DNAH5: variants seen among roughly 807,000 people sequenced by gnomAD.
DNAH5 encodes dynein axonemal heavy chain 5, also known as axonemal beta dynein heavy chain 5.
Under a neutral mutation model 518.2 loss-of-function variants are expected in DNAH5, and 372 were observed. The ratio of observed to expected loss-of-function variants is 0.72; its 90% CI spans 0.66 to 0.78. The LOEUF is 0.78. Ranked by LOEUF, DNAH5 falls within the 30% of genes least tolerant of loss-of-function variation. The pLI, the probability that DNAH5 is intolerant of heterozygous loss-of-function variation, is 0.00. For missense variants in DNAH5, 5,523 were observed against 5,687.0 expected, an observed-to-expected ratio of 0.97 and a Z score of 0.93; for synonymous variants, 2,039 against 2,025.9, an observed-to-expected ratio of 1.01 and a Z score of -0.17.
intron 12 of DNAH5, among the ~76,000 whole-genome samples, chr5:13,904,555 G>A (rs1324267792): frequency 9.3e-5 from 14 of 151,282 alleles, no homozygotes; most frequent in Non-Finnish European, 2.1e-4. Flanking sequence ...GTGTGTGTTT[G>A]TATTATACGT....
At chr5:13,805,362 G>A (rs1201804000) in intron 47 of DNAH5, among the ~76,000 whole-genome samples, 1 of 152,114 alleles carries the variant, frequency 6.6e-6, no homozygotes, top group Non-Finnish European at 1.5e-5. Context: ...GCGGGGTGTG[G>A]TAGCCCATGC....
At chr5:13,845,711 A>G (rs1178543129) in intron 31 of DNAH5, among the ~76,000 whole-genome samples, 9 of 151,816 alleles carry the variant, frequency 5.9e-5, no homozygotes, top group Non-Finnish European at 1.2e-4. Flanking sequence ...ATTTTGTTAT[A>G]ATTATGATGC....
chr5:13,854,284 A>C (rs1035290182), intron 30 of DNAH5, among the ~76,000 whole-genome samples: 3 of 152,202 alleles, frequency 2.0e-5, no homozygotes, highest in African/African-American at 7.2e-5. Context: ...TCATAAATGA[A>C]GGAGAAATAA....
At chr5:13,947,713 T>C (rs1780041845), upstream of DNAH5, among the ~76,000 whole-genome samples, 1 of 152,216 alleles carries the variant, frequency 6.6e-6, no homozygotes. Flanking sequence ...CTACACGTTT[T>C]TCATGGATTT....
chr5:13,862,185 C>G (rs890082591), intron 29 of DNAH5, among the ~76,000 whole-genome samples: 5 of 152,022 alleles, frequency 3.3e-5, no homozygotes, highest in Admixed American at 3.3e-4. Context: ...CTGAAATGTT[C>G]CCAAGAGCCG....
chr5:13,971,947 C>T (rs1781901488), intron 1 of DNAH5, among the ~76,000 whole-genome samples: 1 of 151,984 alleles, frequency 6.6e-6, no homozygotes, highest in South Asian at 2.1e-4. Flanking sequence ...AGGTGGGGGG[C>T]AGTGTTAGGC....
At chr5:13,820,225 G>T in intron 41 of DNAH5, 121 bp downstream of exon 41, 1 of 1,007,968 alleles carries the variant, frequency 9.9e-7, no homozygotes, top group Non-Finnish European at 1.5e-6. Flanking sequence ...AATTAATAAA[G>T]CAGTATTTCC....
At position 13,700,754 on chromosome 5, in the gene DNAH5, C is replaced by T; in HGVS notation, c.13609G>A (p.Gly4537Ser). 1 of 1,614,102 alleles carries T rather than the reference C, an allele frequency of 6.2e-7. No homozygotes were observed. Among genetic ancestry groups the T allele is most frequent in the Non-Finnish European group, 8.5e-7 (1 of 1,179,992 alleles). The change falls in exon 78 of 79, where the codon GGC (glycine) becomes AGC (serine). Residue 4537 changes from glycine (G) to serine (S), a missense_variant. Gly to Ser is a moderately conservative substitution (Grantham distance 56, BLOSUM62 0). Around this residue, in one of 3 missense-constraint regions of DNAH5, gnomAD observed 387 missense variants for 430.0 expected, o/e 0.90. Coordinates refer to ENST00000265104, the MANE Select transcript of DNAH5 (RefSeq NM_001369.3). Reference sequence around the variant, plus strand: ...CAGCCAGCACCTTCAAGATATAAGCCATAGACATAGACACCCTCTGTGGGA... The same window carrying T: ...CAGCCAGCACCTTCAAGATATAAGCTATAGACATAGACACCCTCTGTGGGA... ...APPTEGVYVY[G>S]LYLEGAGWDK...
chr5:13,735,807 T>A lies in DNAH5; in HGVS notation c.11570+11A>T, dbSNP rs756498917. 3.1e-6 allele frequency: 5 copies of A among 1,608,542 alleles called. No individual in the cohort carries two copies. The African/African-American group carries it at 6.7e-5, about 22-fold the overall frequency. ...ATAGAATTCAGCTTGGCTTCCCGCGTACAGACGTACCTGGCTAAGGAAAGG... is the reference window on the plus strand; with the variant it reads ...ATAGAATTCAGCTTGGCTTCCCGCGAACAGACGTACCTGGCTAAGGAAAGG... On this transcript the variant is annotated intron_variant, in intron 67 of 78. Coordinates refer to ENST00000265104, the MANE Select transcript of DNAH5 (RefSeq NM_001369.3).
chr5:13,994,780 G>A (rs987648666), intron 1 of DNAH5, among the ~76,000 whole-genome samples: 1 of 152,152 alleles, frequency 6.6e-6, no homozygotes, highest in African/African-American at 2.4e-5. Context: ...TCAGATTGCT[G>A]CTCACCTAAT....
intron 1 of DNAH5, among the ~76,000 whole-genome samples, chr5:14,011,576 C>A (rs1274101865): frequency 6.6e-6 from 1 of 152,150 alleles, no homozygotes; most frequent in African/African-American, 2.4e-5. Context: ...AACCCCGGGC[C>A]GCTCGGCCGC....
chr5:13,729,044 G>A (rs188867341), intron 69 of DNAH5, among the ~76,000 whole-genome samples: 9 of 152,290 alleles, frequency 5.9e-5, no homozygotes, highest in Non-Finnish European at 1.2e-4. Flanking sequence ...AGGCAAGAAA[G>A]GAAATTTAGC....
chr5:13,794,540 G>A lies in DNAH5; in HGVS notation c.7888-482C>T, dbSNP rs533053412. Reference sequence around the variant, plus strand: ...GCACAGCTCATACCCACTCTTTTGGGCAGATGCAGTTACACGGATTCAATT... The same window carrying A: ...GCACAGCTCATACCCACTCTTTTGGACAGATGCAGTTACACGGATTCAATT... On this transcript the variant is annotated intron_variant, in intron 47 of 78. Transcript: ENST00000265104. 1.1e-3 allele frequency among the ~76,000 whole-genome samples: 165 copies of A among 152,296 alleles called. 1 individual carries two copies. Among genetic ancestry groups the A allele is most frequent in the African/African-American group, 3.9e-3 (161 of 41,568 alleles).
chr5:13,801,928 A>T (rs571582782), intron 47 of DNAH5, among the ~76,000 whole-genome samples: 8 of 152,164 alleles, frequency 5.3e-5, no homozygotes, highest in African/African-American at 1.2e-4. Context: ...ATCCTTATTT[A>T]TATATTTCTA....
chr5:13,695,950 T>C (rs1741317895), intron 78 of DNAH5, among the ~76,000 whole-genome samples: 1 of 152,130 alleles, frequency 6.6e-6, no homozygotes, highest in Non-Finnish European at 1.5e-5. Flanking sequence ...ATGTTTCCCA[T>C]GACTTTAACA....
chr5:13,802,609 C>T (rs556795154), intron 47 of DNAH5, among the ~76,000 whole-genome samples: 2 of 152,214 alleles, frequency 1.3e-5, no homozygotes, highest in South Asian at 2.1e-4. Context: ...TGTCTGTTTC[C>T]CCAACAAGAC....
In DNAH5 at chr5:13,766,194, G is replaced by T. The variant is rs201338895; in HGVS notation, c.9898-15C>A. On this transcript the variant is annotated splice_polypyrimidine_tract_variant and intron_variant, in intron 58 of 78. Coordinates refer to ENST00000265104, the MANE Select transcript of DNAH5 (RefSeq NM_001369.3). ...GGCCTGATGGTCTGGGGGATGAAAG[G>T]AACGATCACCCAACCACAGATAGGA... 1 of 1,613,582 alleles carries T rather than the reference G, an allele frequency of 6.2e-7. No homozygotes were observed. The highest frequency in any genetic ancestry group is 8.5e-7 in the Non-Finnish European group (1 of 1,179,562).
At chr5:13,841,169 A>C (rs1373527177) in intron 33 of DNAH5, 39 bp from the exon 34 acceptor site, 1 of 1,460,586 alleles carries the variant, frequency 6.8e-7, no homozygotes, top group Non-Finnish European at 9.6e-7. Flanking sequence ...TTTGTATGGC[A>C]TATTTATGTA....
chr5:13,854,277 T>A (rs933643723), intron 30 of DNAH5, among the ~76,000 whole-genome samples: 2 of 152,118 alleles, frequency 1.3e-5, no homozygotes, highest in African/African-American at 4.8e-5. Context: ...CTAAGCTTCA[T>A]AAATGAAGGA....
Sources: gnomAD v4.1 joint callset for allele counts (sites outside exome capture counted in the v4.1 genomes callset) on GRCh38, gnomAD v4.1.1 for gene constraint, gnomAD v4.1.1 regional missense constraint, MANE v1.5 for transcripts, NCBI Gene and HGNC (gene_info 2026-07-23, HGNC 2026-07-21) for gene names.